ARMC3: variants seen among roughly 807,000 people sequenced by gnomAD.
ARMC3 encodes the protein armadillo repeat-containing protein 3.
A neutral mutation model predicts 90.3 loss-of-function variants in ARMC3; 74 were observed. The ratio of observed to expected loss-of-function variants is 0.82; its 90% confidence interval spans 0.68 to 0.99. The LOEUF (loss-of-function observed/expected upper bound fraction) is 0.99, where lower values mean the gene tolerates loss of function less well. Among genes scored for constraint, ARMC3 ranks in the 50% least tolerant of loss-of-function variants. The pLI is 0.00. For synonymous variants in ARMC3, 334 were observed against 361.8 expected, an observed-to-expected ratio of 0.92 and a Z score of 0.87; for missense variants, 958 against 1,042.8, an observed-to-expected ratio of 0.92 and a Z score of 1.12.
intron 10 of ARMC3, among the ~76,000 whole-genome samples, chr10:22,992,995 G>A (rs1463063120): frequency 6.7e-5 from 2 of 29,894 alleles, no homozygotes; most frequent in South Asian, 9.1e-4. Context: ...CAAAACTCAC[G>A]GAGACATGAA....
chr10:22,961,987 C>G lies in ARMC3; in HGVS notation c.641C>G (p.Thr214Ser), dbSNP rs530843797. The change falls in exon 7 of 19, where the codon ACC (threonine) becomes AGC (serine). Residue 214 changes from threonine to serine, a missense_variant. Physicochemically the swap from Thr to Ser is moderately conservative, Grantham distance 58 (BLOSUM62 1). Coordinates refer to ENST00000298032, the MANE Select transcript of ARMC3 (RefSeq NM_173081.5). Reference protein sequence around the residue: ...YPVIQLLALKTLGVIANDKES... With the variant: ...YPVIQLLALKSLGVIANDKES... ...GTGATTCAGTTGTTGGCTCTCAAAA[C>G]CTTAGGTGTTATTGCAAATGATAAG... 1 of 1,612,490 alleles carries G rather than the reference C, an allele frequency of 6.2e-7. No individual in the cohort carries two copies. The highest frequency in any genetic ancestry group is 8.5e-7 in the Non-Finnish European group (1 of 1,179,208).
intron 8 of ARMC3, among the ~76,000 whole-genome samples, chr10:22,973,285 C>A (rs565652522): frequency 7.3e-4 from 105 of 143,480 alleles, no homozygotes; most frequent in African/African-American, 2.7e-3. Flanking sequence ...GGTAACTGAG[C>A]AAGACCCTTA....
In ARMC3 at chr10:22,968,413, G is replaced by A. The variant is rs139620053; in HGVS notation, c.840G>A (p.Leu280=). 1 of 1,613,124 alleles carries A rather than the reference G, an allele frequency of 6.2e-7. No individual in the cohort carries two copies. Among genetic ancestry groups the A allele is most frequent in the Non-Finnish European group, 8.5e-7 (1 of 1,179,784 alleles). The part of the protein sequence containing the change: ...IQQTGGLKKL[L]SFAENSTIPD... ...AGACAGGGGGTCTTAAAAAGCTCCT[G>A]TCATTTGCAGAAAACTCTACAATTC... The change falls in exon 8 of 19, where the codon CTG becomes CTA. Residue 280 remains leucine (L), a synonymous_variant. Transcript: ENST00000298032.
chr10:22,958,718 CCATTAT>C (rs369238788), intron 4 of ARMC3, among the ~76,000 whole-genome samples: 2 of 152,074 alleles, frequency 1.3e-5, no homozygotes, highest in African/African-American at 4.8e-5. Flanking sequence ...GTAGATACTA[CCATTAT>C]CATTATTATT....
chr10:22,946,995 A>G (rs140423707), intron 3 of ARMC3, among the ~76,000 whole-genome samples: 1 of 151,992 alleles, frequency 6.6e-6, no homozygotes, highest in East Asian at 1.9e-4. Flanking sequence ...CCCCATCTCT[A>G]TATATAAAAA....
rs551674940 is a variant in ARMC3, at chr10:23,008,249, T to C, written c.1830-27T>C. On this transcript the variant is annotated intron_variant, in intron 14 of 18. Transcript: ENST00000298032. Reference sequence around the variant, plus strand: ...TGTTGACAAATAATTTTAATCTATATATAATTTTAAATGTGTAAAATTTTA... The same window carrying C: ...TGTTGACAAATAATTTTAATCTATACATAATTTTAAATGTGTAAAATTTTA... 81 of 1,164,230 alleles carry C rather than the reference T, an allele frequency of 7.0e-5. No homozygotes were observed. The South Asian group carries it at 1.1e-3, about 16-fold the overall frequency. The allele number at this position is 1,164,230 out of a possible 1,614,324, so 72.1% of individuals were successfully genotyped here. A position where few individuals can be genotyped will look rare whatever the true frequency, so the allele number is the denominator to read the frequency against.
At chr10:22,967,641 G>A (rs1835500192) in intron 7 of ARMC3, among the ~76,000 whole-genome samples, 1 of 152,164 alleles carries the variant, frequency 6.6e-6, no homozygotes, top group African/African-American at 2.4e-5. Flanking sequence ...AGTTGGTGCT[G>A]TAACTGAGTC....
chr10:22,963,929 A>C (rs1182214102), intron 7 of ARMC3, among the ~76,000 whole-genome samples: 244 of 101,766 alleles, frequency 2.4e-3, no homozygotes, highest in African/African-American at 9.6e-3. Context: ...ACACAAAAAA[A>C]AAAAAAAAAA....
At chr10:22,980,192 A>G (rs1836123549) in intron 8 of ARMC3, among the ~76,000 whole-genome samples, 1 of 152,126 alleles carries the variant, frequency 6.6e-6, no homozygotes, top group African/African-American at 2.4e-5. Flanking sequence ...TATTATCAGC[A>G]TTTTTTTGCA....
At chr10:23,000,390 G>T (rs1396226755) in intron 11 of ARMC3, among the ~76,000 whole-genome samples, 1 of 151,896 alleles carries the variant, frequency 6.6e-6, no homozygotes, top group Non-Finnish European at 1.5e-5. Context: ...TCAAACTAGG[G>T]TACATCTTTC....
rs191769931 is a variant in ARMC3, at chr10:23,037,877, G to A, written c.*398G>A. 378 of 158,262 alleles carry A rather than the reference G, an allele frequency of 2.4e-3. 3 individuals are homozygous for A. The highest frequency in any genetic ancestry group is 8.7e-3 in the African/African-American group (364 of 41,830). The allele number at this position is 158,262 out of a possible 1,614,324, so 9.8% of individuals were successfully genotyped here. ...GAATGCTTCAGGCATGCTCAGTTAA[G>A]CAAACTAAGTGAATTTTTAGTATTT... On this transcript the variant is annotated 3_prime_UTR_variant, in exon 19 of 19. Coordinates refer to ENST00000298032, the MANE Select transcript of ARMC3 (RefSeq NM_173081.5).
intron 17 of ARMC3, 40 bp downstream of exon 17, chr10:23,030,836 A>G: frequency 1.9e-6 from 3 of 1,593,540 alleles, no homozygotes; most frequent in Non-Finnish European, 2.6e-6. Context: ...AATTTCTGAA[A>G]AAATTTTAGT....
Position 22,996,780 on chromosome 10 carries a change from C to G in ARMC3, c.1176-1368C>G, listed in dbSNP as rs1306168966. On this transcript the variant is annotated intron_variant, in intron 10 of 18. Coordinates refer to ENST00000298032, the MANE Select transcript of ARMC3 (RefSeq NM_173081.5). ...GTCTCTTTATGGAGATTTCATTTAC[C>G]TCCTCTCTGATGGATAATTGTCATA... Among the ~76,000 whole-genome samples, 3 of 152,114 alleles carry G rather than the reference C, an allele frequency of 2.0e-5. No individual in the cohort carries two copies. The East Asian group carries it at 5.8e-4, about 29-fold the overall frequency.
chr10:23,014,591 A>G (rs1476960362), intron 16 of ARMC3: 2 of 697,854 alleles, frequency 2.9e-6, no homozygotes, highest in Non-Finnish European at 3.5e-6. Context: ...AAAATGTGGT[A>G]CATATACACC....
intron 16 of ARMC3, 95 bp from the exon 17 acceptor site, chr10:23,030,501 C>A: frequency 6.7e-7 from 1 of 1,502,430 alleles, no homozygotes; most frequent in Non-Finnish European, 8.9e-7. Flanking sequence ...TTCACTGTAC[C>A]TTTTTTCTGT....
chr10:22,988,636 AG>A (rs974388318), intron 10 of ARMC3, among the ~76,000 whole-genome samples: 3 of 152,148 alleles, frequency 2.0e-5, no homozygotes, highest in South Asian at 2.1e-4. Flanking sequence ...GTCATTTTGA[AG>A]GGGGGAAAAA....
At chr10:22,969,430 T>A (rs983866519) in intron 8 of ARMC3, among the ~76,000 whole-genome samples, 1 of 152,232 alleles carries the variant, frequency 6.6e-6, no homozygotes, top group Non-Finnish European at 1.5e-5. Flanking sequence ...TAAACATATA[T>A]ACTCACATCT....
chr10:23,026,487 C>T (rs753692589), intron 16 of ARMC3, among the ~76,000 whole-genome samples: 55 of 152,124 alleles, frequency 3.6e-4, no homozygotes, highest in Non-Finnish European at 6.0e-4. Flanking sequence ...GAAAAACCAA[C>T]TTATATTAAC....
intron 14 of ARMC3, among the ~76,000 whole-genome samples, chr10:23,007,443 GAC>G (rs1251736488): frequency 1.3e-5 from 2 of 152,116 alleles, no homozygotes; most frequent in Non-Finnish European, 2.9e-5. Flanking sequence ...CACGGTGGCT[GAC>G]ACCTGTAATC....
Sources: gnomAD v4.1 joint callset for allele counts (sites outside exome capture counted in the v4.1 genomes callset) on GRCh38, gnomAD v4.1.1 for gene constraint, MANE v1.5 for transcripts, NCBI Gene and HGNC (gene_info 2026-07-23, HGNC 2026-07-21) for gene names.